The following CNTNAP5 variants were observed in gnomAD, a reference collection of about 807,000 sequenced individuals.
CNTNAP5 encodes the protein contactin associated protein family member 5.
Under a neutral mutation model 150.2 loss-of-function variants are expected in CNTNAP5, and 72 were observed. The ratio of observed to expected loss-of-function variants is 0.48; its 90% CI spans 0.40 to 0.58. The LOEUF (loss-of-function observed/expected upper bound fraction) is 0.58, where lower values mean the gene tolerates loss of function less well. Ranked by LOEUF, CNTNAP5 falls within the 20% of genes least tolerant of loss-of-function variation. CNTNAP5 has a pLI of 0.00. For missense variants in CNTNAP5, 1,636 were observed against 1,626.2 expected (o/e 1.01, Z -0.10); for synonymous variants, 672 against 619.8 (o/e 1.08, Z -1.25).
rs576501101 is a variant in CNTNAP5 at position 124,169,890 on chromosome 2, T to A, written c.83-51815T>A. Among the ~76,000 whole-genome samples, 10 of 152,326 alleles carry A rather than the reference T, an allele frequency of 6.6e-5. No homozygotes were observed. The East Asian group carries it at 1.9e-3, about 29-fold the overall frequency. On this transcript the variant is annotated intron_variant, in intron 1 of 23. Transcript: ENST00000682447. ...ATCTTATCCTTCAGAGCCTTACTCT[T>A]CCACATGCATAATGCGAGGGTAGCC...
At chr2:124,728,982 G>A (rs981381377) in intron 13 of CNTNAP5, among the ~76,000 whole-genome samples, 4 of 152,006 alleles carry the variant, frequency 2.6e-5, no homozygotes, top group African/African-American at 7.2e-5. Flanking sequence ...TTTGTTGGCT[G>A]GTATGCAGAG....
At chr2:124,618,111 G>A (rs1293671601) in intron 12 of CNTNAP5, among the ~76,000 whole-genome samples, 1 of 152,168 alleles carries the variant, frequency 6.6e-6, no homozygotes. Flanking sequence ...TTGAGCAGCA[G>A]CAAGCAAAGG....
At chr2:124,842,893 C>T (rs1682972535) in intron 19 of CNTNAP5, among the ~76,000 whole-genome samples, 1 of 151,638 alleles carries the variant, frequency 6.6e-6, no homozygotes, top group South Asian at 2.1e-4. Context: ...AGAATATTCT[C>T]TCTCTTTTTA....
intron 1 of CNTNAP5, among the ~76,000 whole-genome samples, chr2:124,209,913 G>A (rs936831103): frequency 2.6e-5 from 4 of 152,232 alleles, no homozygotes; most frequent in Admixed American, 2.0e-4. Flanking sequence ...TGAGCAAGTG[G>A]AAGGTGATGT....
At chr2:124,785,718 G>T (rs1414673820) in intron 17 of CNTNAP5, among the ~76,000 whole-genome samples, 1 of 152,170 alleles carries the variant, frequency 6.6e-6, no homozygotes, top group Non-Finnish European at 1.5e-5. Context: ...GATCTCCCTT[G>T]CTGTGTCAAT....
intron 6 of CNTNAP5, among the ~76,000 whole-genome samples, chr2:124,473,359 A>G (rs1693563585): frequency 6.6e-6 from 1 of 152,026 alleles, no homozygotes; most frequent in Non-Finnish European, 1.5e-5. Flanking sequence ...AAACTAGTTA[A>G]ATAAAATTAT....
chr2:124,137,962 C>G (rs142014510), intron 1 of CNTNAP5, among the ~76,000 whole-genome samples: 2 of 152,198 alleles, frequency 1.3e-5, no homozygotes, highest in East Asian at 3.9e-4. Context: ...TATTCAGGAG[C>G]AACTCAATTT....
rs74379961 is a variant in CNTNAP5, at chr2:124,222,035, G to A, written c.187+226G>A. Among the ~76,000 whole-genome samples the A allele has an allele frequency of 3.8e-3, 578 of 152,088 alleles. 5 individuals carry two copies. The highest frequency in any genetic ancestry group is 0.013 in the African/African-American group (558 of 41,488). On this transcript the variant is annotated intron_variant, in intron 2 of 23. Coordinates refer to ENST00000682447, the MANE Select transcript of CNTNAP5 (RefSeq NM_001367498.1). ...CACCCAAATCACAGTATCCTTTTTT[G>A]ATTATCACGAGAGGTCTTTGTGAAA...
At chr2:124,632,650 A>G (rs907262492) in intron 12 of CNTNAP5, among the ~76,000 whole-genome samples, 5 of 152,072 alleles carry the variant, frequency 3.3e-5, no homozygotes, top group Non-Finnish European at 4.4e-5. Context: ...AACCACCATG[A>G]CACATGTTTA....
At chr2:124,704,728 A>G (rs1488663064) in intron 13 of CNTNAP5, among the ~76,000 whole-genome samples, 4 of 152,112 alleles carry the variant, frequency 2.6e-5, no homozygotes, top group Non-Finnish European at 5.9e-5. Flanking sequence ...GAGCCTGTAA[A>G]TCCTGACATC....
chr2:124,759,938 C>CTTT (rs571408475), intron 14 of CNTNAP5, among the ~76,000 whole-genome samples: 24 of 83,638 alleles, frequency 2.9e-4, no homozygotes, highest in African/African-American at 4.6e-4. Flanking sequence ...ACTCCTCGGT[C>CTTT]TTTTTTTTTT....
chr2:124,651,085 C>T (rs924058327), intron 13 of CNTNAP5, among the ~76,000 whole-genome samples: 3 of 152,170 alleles, frequency 2.0e-5, no homozygotes, highest in Admixed American at 2.0e-4. Context: ...GCGATAGATA[C>T]TATTATCTTC....
chr2:124,570,946 A>G (rs995024425), intron 11 of CNTNAP5, among the ~76,000 whole-genome samples: 2 of 152,192 alleles, frequency 1.3e-5, no homozygotes, highest in South Asian at 2.1e-4. Context: ...TACAAGATAT[A>G]TGACCTAGGG....
intron 1 of CNTNAP5, among the ~76,000 whole-genome samples, chr2:124,109,154 C>T (rs1355581516): frequency 6.6e-6 from 1 of 152,124 alleles, no homozygotes; most frequent in Non-Finnish European, 1.5e-5. Flanking sequence ...GATTGAAAAT[C>T]TTTGAAATAA....
intron 5 of CNTNAP5, among the ~76,000 whole-genome samples, chr2:124,436,018 G>C (rs2104796229): frequency 6.6e-6 from 1 of 152,302 alleles, no homozygotes. Flanking sequence ...AGAGCTTTCT[G>C]AATGTTGGGC....
intron 19 of CNTNAP5, among the ~76,000 whole-genome samples, chr2:124,799,043 T>G (rs905561725): frequency 1.3e-5 from 2 of 152,174 alleles, no homozygotes; most frequent in African/African-American, 4.8e-5. Flanking sequence ...ATAAAAGGAT[T>G]ATTTTTTAAA....
intron 13 of CNTNAP5, among the ~76,000 whole-genome samples, chr2:124,695,502 A>G (rs1383628901): frequency 6.6e-6 from 1 of 152,192 alleles, no homozygotes; most frequent in Non-Finnish European, 1.5e-5. Flanking sequence ...ATGGGTGTAC[A>G]TGAAGAATTT....
intron 7 of CNTNAP5, among the ~76,000 whole-genome samples, chr2:124,500,054 G>GA (rs1176216129): frequency 0.021 from 3,120 of 148,904 alleles, 108 homozygotes; most frequent in African/African-American, 0.071. Flanking sequence ...CAAGAGGAAG[G>GA]AAAAAAAAAA....
intron 10 of CNTNAP5, among the ~76,000 whole-genome samples, chr2:124,540,413 T>C (rs1695350286): frequency 6.6e-6 from 1 of 152,184 alleles, no homozygotes; most frequent in East Asian, 1.9e-4. Context: ...TCACATGCAA[T>C]ATGATATTAG....
Sources: gnomAD v4.1 joint callset for allele counts (sites outside exome capture counted in the v4.1 genomes callset) on GRCh38, gnomAD v4.1.1 for gene constraint, MANE v1.5 for transcripts, NCBI Gene and HGNC (gene_info 2026-07-23, HGNC 2026-07-21) for gene names.